The following TOGARAM1 variants were observed in gnomAD, a reference collection of about 807,000 sequenced individuals.
The protein encoded by TOGARAM1 is TOG array regulator of axonemal microtubules 1, also known as TOG array regulator of axonemal microtubules protein 1.
TOGARAM1 carries 100 observed loss-of-function variants against 166.6 expected under a neutral mutation model. The ratio of observed to expected loss-of-function variants is 0.60; its 90% CI spans 0.51 to 0.71. The LOEUF is 0.71. Among genes scored for constraint, TOGARAM1 ranks in the 30% least tolerant of loss-of-function variants. TOGARAM1 has a pLI of 0.00. For missense variants in TOGARAM1, 2,029 were observed against 2,102.7 expected (o/e 0.96, Z 0.69); for synonymous variants, 758 against 763.8 (o/e 0.99, Z 0.13).
chr14:45,024,388 C>A (rs1465834154), intron 7 of TOGARAM1, among the ~76,000 whole-genome samples: 1 of 152,048 alleles, frequency 6.6e-6, no homozygotes, highest in African/African-American at 2.4e-5. Flanking sequence ...AACATATTTT[C>A]TATATATTTT....
chr14:44,965,322 C>G (rs1407396641), intron 1 of TOGARAM1, among the ~76,000 whole-genome samples: 1 of 152,140 alleles, frequency 6.6e-6, no homozygotes, highest in African/African-American at 2.4e-5. Context: ...CAAATTGTCT[C>G]CAAAAGTGTT....
Position 44,964,448 on chromosome 14 carries a change from CT to C in TOGARAM1, c.2029del (p.Ser677ProfsTer4). The C allele has an allele frequency of 6.3e-7, 1 of 1,589,300 alleles. No homozygotes were observed. Among genetic ancestry groups the C allele is most frequent in the Non-Finnish European group, 8.6e-7 (1 of 1,167,668 alleles). On this transcript the variant is annotated frameshift_variant, in exon 1 of 20. Coordinates refer to ENST00000361462, the MANE Select transcript of TOGARAM1 (RefSeq NM_001308120.2). LOFTEE classifies it high-confidence loss of function. ...ATCATGGGAGAAAACCAGACCTCCACTTCCAAGGATATAGAGCAGGTATGCT... is the reference window on the plus strand; with the variant it reads ...ATCATGGGAGAAAACCAGACCTCCACTCCAAGGATATAGAGCAGGTATGCT... ...PGIMGENQTS[T>X]SKDIEQFSTY...
chr14:44,995,865 G>T lies in TOGARAM1; in HGVS notation c.2166G>T (p.Arg722=), dbSNP rs1887387488. The part of the protein sequence containing the change: ...RVSRNLFQNS[R]DFNPDCLPLC... ...CAAGAAACTTATTTCAGAATAGTCG[G>T]GATTTTAACCCAGATTGTCTTCCTT... Residue 722 remains arginine (R), a synonymous_variant, in exon 2 of 20, where the codon CGG becomes CGT. Coordinates refer to ENST00000361462, the MANE Select transcript of TOGARAM1 (RefSeq NM_001308120.2). The T allele has an allele frequency of 2.5e-6, 4 of 1,610,508 alleles. No individual in the cohort carries two copies. Among genetic ancestry groups the T allele is most frequent in the Non-Finnish European group, 3.4e-6 (4 of 1,178,846 alleles).
At chr14:44,996,279 G>A (rs978646561) in intron 2 of TOGARAM1, 1 of 153,154 alleles carries the variant, frequency 6.5e-6, no homozygotes, top group African/African-American at 2.4e-5. Flanking sequence ...GGAAAACAAA[G>A]CGAAAGAAGG....
At chr14:44,991,158 A>G (rs974467233) in intron 1 of TOGARAM1, among the ~76,000 whole-genome samples, 5 of 151,056 alleles carry the variant, frequency 3.3e-5, no homozygotes, top group Admixed American at 1.3e-4. Context: ...GGGTCTTGCC[A>G]TGTTGCCCAG....
At chr14:45,035,012 A>T (rs981355098) in intron 11 of TOGARAM1, among the ~76,000 whole-genome samples, 1 of 152,210 alleles carries the variant, frequency 6.6e-6, no homozygotes, top group South Asian at 2.1e-4. Context: ...TATAATATAT[A>T]TAAGAAACCC....
At chr14:45,055,045 G>A (rs1161779207) in intron 16 of TOGARAM1, among the ~76,000 whole-genome samples, 7 of 152,134 alleles carry the variant, frequency 4.6e-5, no homozygotes, top group Admixed American at 1.3e-4. Context: ...GCAAAACCCT[G>A]TCTCTACCAA....
rs749622003 is a variant in TOGARAM1, at chr14:45,058,297, C to CTTT, written c.4559+3761_4559+3763dup. Among the ~76,000 whole-genome samples, 4 of 141,184 alleles carry CTTT rather than the reference C, an allele frequency of 2.8e-5. 2 individuals are homozygous for CTTT. The highest frequency in any genetic ancestry group is 6.2e-5 in the Non-Finnish European group (4 of 64,384). 92.6% of individuals were successfully genotyped at this position (141,184 alleles called of 152,430 possible). On this transcript the variant is annotated intron_variant, in intron 16 of 19. Transcript: ENST00000361462. ...TTTGGCTTCCATTTATGTAGAGTGT[C>CTTT]TTTTTTTTTTTTTTTGAGACAGTGT... is the stretch of plus-strand genomic sequence containing the variant.
intron 16 of TOGARAM1, 40 bp downstream of exon 16, chr14:45,054,589 C>A: frequency 7.4e-7 from 1 of 1,358,776 alleles, no homozygotes; most frequent in Non-Finnish European, 1.0e-6. Context: ...AAATTACTCC[C>A]TTGTGATAGT....
chr14:44,962,849 T>C lies in TOGARAM1; in HGVS notation c.428T>C (p.Val143Ala). Residue 143 changes from valine (V) to alanine (A), a missense_variant, in exon 1 of 20, where the codon GTG becomes GCG. Transcript: ENST00000361462. ...GCTTTGTATCGGGCACTGGGCCGAG[T>C]GCTTGTGGAAGGAGGTAGTGATGAG... ...KEALYRALGR[V>A]LVEGGSDEKR... is the part of the protein sequence containing the mutation. The C allele has an allele frequency of 6.2e-7, 1 of 1,613,300 alleles. No individual in the cohort carries two copies. The highest frequency in any genetic ancestry group is 8.5e-7 in the Non-Finnish European group (1 of 1,179,998).
Position 45,073,497 on chromosome 14 carries a change from A to T in TOGARAM1, c.5258A>T (p.Gln1753Leu). The T allele has an allele frequency of 6.2e-7, 1 of 1,614,026 alleles. No individual in the cohort carries two copies. The highest frequency in any genetic ancestry group is 1.1e-5 in the South Asian group (1 of 91,078). ...GQNLLNQAAS[Q>L]PPHIKKSLEE... ...AATCTGTTAAATCAGGCTGCATCTC[A>T]ACCACCACATATCAAAAAGAGTTTG... is the stretch of plus-strand genomic sequence containing the variant. The change falls in exon 20 of 20, where the codon CAA becomes CTA. Residue 1753 changes from glutamine (Q) to leucine (L), a missense_variant. Physicochemically the swap from Gln to Leu is moderately radical, Grantham distance 113. Around this residue, in one of 2 missense-constraint regions of TOGARAM1, gnomAD observed 576 missense variants for 670.5 expected, o/e 0.86. Coordinates refer to ENST00000361462, the MANE Select transcript of TOGARAM1 (RefSeq NM_001308120.2).
rs773917411 is a variant in TOGARAM1 at position 45,009,064 on chromosome 14, A to G, written c.3056A>G (p.Asn1019Ser). The change falls in exon 6 of 20, where the codon AAT becomes AGT. Residue 1019 changes from asparagine to serine, a missense_variant. Coordinates refer to ENST00000361462, the MANE Select transcript of TOGARAM1 (RefSeq NM_001308120.2). The stretch of plus-strand genomic sequence containing the variant: ...TCTCTGTCTTCCTCACCAAACATCA[A>G]TTCTTACAGTGAAAGTGGAGTTTAC... The part of the protein sequence containing the change: ...SPSLSSSPNI[N>S]SYSESGVYSQ... The G allele has an allele frequency of 1.9e-6, 3 of 1,614,030 alleles. No homozygotes were observed. Among genetic ancestry groups the G allele is most frequent in the South Asian group, 2.2e-5 (2 of 91,082 alleles).
chr14:45,046,473 C>G lies in TOGARAM1; in HGVS notation c.4155-72C>G, dbSNP rs1882071991. 2.5e-6 allele frequency: 3 copies of G among 1,215,132 alleles called. No homozygotes were observed. In the Middle Eastern group the frequency reaches 6.3e-4, roughly 253 times the overall value. 75.3% of individuals were successfully genotyped at this position (1,215,132 alleles called of 1,614,324 possible). A position where few individuals can be genotyped will look rare whatever the true frequency, so the allele number is the denominator to read the frequency against. The stretch of plus-strand genomic sequence containing the variant: ...CAAAATACAAACAAACAAAAACAAC[C>G]CATAGATCCATAGATCTTTGGAGAA... On this transcript the variant is annotated intron_variant, in intron 13 of 19. Transcript: ENST00000361462.
intron 3 of TOGARAM1, among the ~76,000 whole-genome samples, chr14:45,001,632 C>A (rs1887693678): frequency 1.3e-5 from 2 of 152,120 alleles, no homozygotes; most frequent in Non-Finnish European, 2.9e-5. Context: ...ATATACATGT[C>A]TAATAGGTAT....
chr14:45,071,120 C>T (rs191548875), intron 18 of TOGARAM1, among the ~76,000 whole-genome samples: 3 of 152,114 alleles, frequency 2.0e-5, no homozygotes, highest in Admixed American at 2.0e-4. Flanking sequence ...CAGGATTTCA[C>T]TGTGCTGGCC....
Position 45,044,815 on chromosome 14 carries a change from G to A in TOGARAM1, c.4099G>A (p.Val1367Ile), listed in dbSNP as rs369594571. ...TGTTGACAAAGCATTGAGAGCTATG[G>A]TTAATAATGTAACTCCTGCACGTGC... ...EDVDKALRAM[V>I]NNVTPARAVV... Residue 1367 changes from valine (V) to isoleucine (I), a missense_variant, in exon 13 of 20, where the codon GTT becomes ATT. Val to Ile is a conservative substitution (Grantham distance 29). Transcript: ENST00000361462. The A allele has an allele frequency of 2.7e-5, 44 of 1,614,016 alleles. No homozygotes were observed. The African/African-American group carries it at 5.2e-4, about 19-fold the overall frequency.
chr14:45,073,114 C>T, intron 19 of TOGARAM1, among the ~76,000 whole-genome samples, 182 bp from the exon 20 acceptor site: 1 of 152,156 alleles, frequency 6.6e-6, no homozygotes, highest in East Asian at 1.9e-4. Context: ...ATTCTAATAC[C>T]ATATTTGAAG....
chr14:45,015,796 G>C (rs1374904250), intron 7 of TOGARAM1, among the ~76,000 whole-genome samples: 1 of 152,128 alleles, frequency 6.6e-6, no homozygotes, highest in Middle Eastern at 3.2e-3. Flanking sequence ...CAGGAAGCAT[G>C]ATTCCAGATA....
At chr14:45,018,098 A>G (rs1246154090) in intron 7 of TOGARAM1, among the ~76,000 whole-genome samples, 1 of 152,184 alleles carries the variant, frequency 6.6e-6, no homozygotes. Context: ...TGCCATTTTT[A>G]ACTGCATACT....
Sources: gnomAD v4.1 joint callset for allele counts (sites outside exome capture counted in the v4.1 genomes callset) on GRCh38, gnomAD v4.1.1 for gene constraint, gnomAD v4.1.1 regional missense constraint, MANE v1.5 for transcripts, NCBI Gene and HGNC (gene_info 2026-07-23, HGNC 2026-07-21) for gene names.